The following ZNF536 variants were observed in gnomAD, a reference collection of about 807,000 sequenced individuals.
ZNF536 encodes the protein zinc finger protein 536.
ZNF536 carries 13 observed loss-of-function variants against 84.5 expected under a neutral mutation model. That is an observed-to-expected ratio of 0.15 (90% CI 0.10 to 0.24). The LOEUF (loss-of-function observed/expected upper bound fraction) is 0.24. ZNF536 is among the 10% of genes least tolerant of loss of function. The probability of loss-of-function intolerance (pLI) is 1.00; values close to 1 mark genes in which losing one functional copy is unlikely to be tolerated. For synonymous variants in ZNF536, 811 were observed against 742.5 expected, an observed-to-expected ratio of 1.09 and a Z score of -1.50; for missense variants, 1,536 against 1,747.5, an observed-to-expected ratio of 0.88 and a Z score of 2.16.
intron 1 of ZNF536, among the ~76,000 whole-genome samples, chr19:30,431,477 T>G (rs1395602326): frequency 6.6e-6 from 1 of 152,204 alleles, no homozygotes; most frequent in Non-Finnish European, 1.5e-5. Context: ...TGAGCTTATG[T>G]CTTCGACAGG....
At chr19:30,386,795 T>C (rs143983709) in intron 1 of ZNF536, among the ~76,000 whole-genome samples, 31 of 152,358 alleles carry the variant, frequency 2.0e-4, no homozygotes, top group Non-Finnish European at 1.6e-4. Flanking sequence ...GGTATTTATT[T>C]GTGGCTTTCA....
intron 2 of ZNF536, among the ~76,000 whole-genome samples, chr19:30,480,341 T>C (rs2054024267): frequency 6.6e-6 from 1 of 152,192 alleles, no homozygotes; most frequent in Non-Finnish European, 1.5e-5. Context: ...GTGATGTCAT[T>C]GCTTCCTGCA....
rs560944680 is a variant in ZNF536 at position 30,277,377 on chromosome 19, C to G, written c.-189-6695C>G. Among the ~76,000 whole-genome samples, 6 of 152,166 alleles carry G rather than the reference C, an allele frequency of 3.9e-5. No individual in the cohort carries two copies. The East Asian group carries it at 9.7e-4, about 25-fold the overall frequency. On this transcript the variant is annotated intron_variant, in intron 1 of 5. Transcript: ENST00000585628. ...GCCTCTCCACTCCTCTTTTATCATCCCCGAGCCTGGTCCGATATTGTAGGG... is the reference window on the plus strand; with the variant it reads ...GCCTCTCCACTCCTCTTTTATCATCGCCGAGCCTGGTCCGATATTGTAGGG...
chr19:30,244,529 T>A (rs1006006537), intron 1 of ZNF536, among the ~76,000 whole-genome samples: 2 of 152,246 alleles, frequency 1.3e-5, no homozygotes, highest in African/African-American at 4.8e-5. Context: ...ATATTTATCA[T>A]CCTGTGAACT....
intron 1 of ZNF536, among the ~76,000 whole-genome samples, chr19:30,606,537 A>T (rs993163917): frequency 2.6e-5 from 4 of 152,136 alleles, no homozygotes; most frequent in Non-Finnish European, 5.9e-5. Context: ...GGGCATGTTT[A>T]TTCCACCGTT....
At chr19:30,226,630 C>T (rs1294869181), upstream of ZNF536, among the ~76,000 whole-genome samples, 2 of 152,066 alleles carry the variant, frequency 1.3e-5, no homozygotes, top group Admixed American at 6.5e-5. This position sits in a 1 kb window ranked among gnomAD's most constrained non-coding sequence, Gnocchi z 4.6. Flanking sequence ...AGCACCTGCC[C>T]CAGCCGGGCC....
At chr19:30,335,534 T>G (rs2047354942) in intron 2 of ZNF536, among the ~76,000 whole-genome samples, 1 of 152,102 alleles carries the variant, frequency 6.6e-6, no homozygotes. Context: ...CAGCAGGTGC[T>G]GAGCTACGCG....
downstream of ZNF536, among the ~76,000 whole-genome samples, chr19:30,558,462 C>T (rs555323626): frequency 7.2e-5 from 11 of 152,280 alleles, no homozygotes; most frequent in Admixed American, 2.6e-4. Flanking sequence ...GATGTGGAAA[C>T]GCTGACACCC....
chr19:30,317,305 C>A (rs946116505), intron 2 of ZNF536, among the ~76,000 whole-genome samples: 1 of 152,168 alleles, frequency 6.6e-6, no homozygotes, highest in Non-Finnish European at 1.5e-5. Flanking sequence ...CAGCTGGGTC[C>A]TGTCAGAGCA....
At chr19:30,441,222 T>A (rs191278756) in intron 1 of ZNF536, among the ~76,000 whole-genome samples, 37 of 152,376 alleles carry the variant, frequency 2.4e-4, no homozygotes, top group Middle Eastern at 3.4e-3. Flanking sequence ...CTGGGCAGCC[T>A]TTGGAAGTGG....
intron 2 of ZNF536, among the ~76,000 whole-genome samples, chr19:30,482,815 T>C (rs1203809136): frequency 1.3e-5 from 2 of 152,056 alleles, no homozygotes; most frequent in East Asian, 3.9e-4. Context: ...CCCCAGCTGG[T>C]TGAATTGGGA....
chr19:30,710,626 TCTCA>T (rs1213596842), intron 1 of ZNF536: 10 of 152,344 alleles, frequency 6.6e-5, no homozygotes, highest in South Asian at 4.1e-4. Context: ...CTTTTCTCAC[TCTCA>T]CTATTTGATT....
chr19:30,465,054 T>A (rs1292031017), intron 2 of ZNF536, among the ~76,000 whole-genome samples: 1 of 152,080 alleles, frequency 6.6e-6, no homozygotes, highest in Non-Finnish European at 1.5e-5. Context: ...CCATATTGTT[T>A]CCACGCTTAG....
intron 2 of ZNF536, among the ~76,000 whole-genome samples, chr19:30,337,595 C>A (rs1274518579): frequency 6.6e-6 from 1 of 152,160 alleles, no homozygotes; most frequent in Non-Finnish European, 1.5e-5. Context: ...GCTGATGAGA[C>A]AGCTCACAGC....
At chr19:30,669,320 C>T (rs562927236) in intron 1 of ZNF536, among the ~76,000 whole-genome samples, 17 of 152,216 alleles carry the variant, frequency 1.1e-4, no homozygotes, top group Non-Finnish European at 2.1e-4. Flanking sequence ...GCCGGGCAGA[C>T]GTGTTCCAAG....
intron 2 of ZNF536, among the ~76,000 whole-genome samples, chr19:30,515,013 C>T (rs537446572): frequency 2.0e-5 from 3 of 151,992 alleles, no homozygotes; most frequent in Admixed American, 6.5e-5. Flanking sequence ...TTTGGGAGGC[C>T]GAGATGGGAG....
chr19:30,612,146 C>T (rs1023425368), intron 1 of ZNF536, among the ~76,000 whole-genome samples: 6 of 152,260 alleles, frequency 3.9e-5, no homozygotes, highest in African/African-American at 1.4e-4. Flanking sequence ...AAAGAAACAT[C>T]GTTTCACTCT....
At chr19:30,409,401 A>G (rs1256373404) in intron 1 of ZNF536, among the ~76,000 whole-genome samples, 1 of 152,122 alleles carries the variant, frequency 6.6e-6, no homozygotes, top group Admixed American at 6.5e-5. Context: ...TTATGTTGTT[A>G]TCCTTGGGAG....
chr19:30,369,596 C>T (rs948700795), upstream of ZNF536, among the ~76,000 whole-genome samples: 2 of 152,138 alleles, frequency 1.3e-5, no homozygotes, highest in African/African-American at 4.8e-5. Context: ...AAGGAAAAGA[C>T]AAAATTCTTC....
Sources: gnomAD v4.1 joint callset for allele counts (sites outside exome capture counted in the v4.1 genomes callset) on GRCh38, gnomAD v4.1.1 for gene constraint, Gnocchi (gnomAD v3.1) non-coding constraint, MANE v1.5 for transcripts, NCBI Gene and HGNC (gene_info 2026-07-23, HGNC 2026-07-21) for gene names.